ALK: variants seen among roughly 807,000 people sequenced by gnomAD.
ALK encodes the protein ALK receptor tyrosine kinase.
Under a neutral mutation model 163.1 loss-of-function variants are expected in ALK, and 74 were observed. The observed-to-expected ratio is 0.45, with a 90% CI of 0.38 to 0.55. The LOEUF is 0.55. ALK is among the 20% of genes least tolerant of loss of function. ALK has a pLI of 0.00. For missense variants in ALK, 2,063 were observed against 2,105.3 expected, an observed-to-expected ratio of 0.98 and a Z score of 0.39; for synonymous variants, 960 against 843.2, an observed-to-expected ratio of 1.14 and a Z score of -2.40.
At chr2:29,345,129 C>A (rs915652503) in intron 5 of ALK, among the ~76,000 whole-genome samples, 2 of 152,138 alleles carry the variant, frequency 1.3e-5, no homozygotes, top group African/African-American at 4.8e-5. Context: ...CGCAGTGGCT[C>A]ACATCTGTAA....
rs1666809912 is a variant in ALK, at chr2:29,879,797, C to T, written c.667+40196G>A. Among the ~76,000 whole-genome samples the T allele has an allele frequency of 3.3e-5, 5 of 152,220 alleles. No individual in the cohort carries two copies. The South Asian group carries it at 1.0e-3, about 31-fold the overall frequency. ...AGAATGCTTTTCTTTTAGGGAAAAA[C>T]TTCTCTTCCCTTTGGTAAGAAGCAG... On this transcript the variant is annotated intron_variant, in intron 1 of 28. Coordinates refer to ENST00000389048, the MANE Select transcript of ALK (RefSeq NM_004304.5).
chr2:29,254,645 A>G (rs947958005), intron 11 of ALK, among the ~76,000 whole-genome samples: 3 of 152,202 alleles, frequency 2.0e-5, no homozygotes, highest in African/African-American at 7.2e-5. Flanking sequence ...TAAAATGTGA[A>G]CAATTGGAGA....
At chr2:29,825,002 C>G (rs989219645) in intron 1 of ALK, among the ~76,000 whole-genome samples, 1 of 152,152 alleles carries the variant, frequency 6.6e-6, no homozygotes, top group Non-Finnish European at 1.5e-5. Context: ...ATCATGGGAG[C>G]AAGTCTTTCC....
At chr2:29,225,893 C>A (rs1406924222) in intron 18 of ALK, among the ~76,000 whole-genome samples, 1 of 152,052 alleles carries the variant, frequency 6.6e-6, no homozygotes, top group Non-Finnish European at 1.5e-5. Flanking sequence ...GATGTGGGGG[C>A]CGCAGGTGAC....
intron 8 of ALK, among the ~76,000 whole-genome samples, chr2:29,311,433 G>T (rs534714970): frequency 6.6e-6 from 1 of 152,196 alleles, no homozygotes; most frequent in Non-Finnish European, 1.5e-5. Context: ...GGCAAACAGG[G>T]TGTAGCTTCC....
intron 4 of ALK, among the ~76,000 whole-genome samples, chr2:29,452,803 T>C (rs1005879212): frequency 6.6e-6 from 1 of 152,166 alleles, no homozygotes; most frequent in Admixed American, 6.5e-5. Flanking sequence ...CTGAGAAGGA[T>C]CCATCACTTC....
At chr2:29,742,329 T>C (rs991328166) in intron 1 of ALK, among the ~76,000 whole-genome samples, 1 of 152,214 alleles carries the variant, frequency 6.6e-6, no homozygotes, top group Non-Finnish European at 1.5e-5. Flanking sequence ...AGCCCTCTTC[T>C]GAACACCCTT....
At chr2:29,392,643 G>T (rs1669202518) in intron 4 of ALK, among the ~76,000 whole-genome samples, 1 of 152,198 alleles carries the variant, frequency 6.6e-6, no homozygotes, top group African/African-American at 2.4e-5. Context: ...CAGGCCAGAA[G>T]GTAGGAGACG....
intron 1 of ALK, among the ~76,000 whole-genome samples, chr2:29,733,637 A>G (rs1275489040): frequency 2.0e-5 from 3 of 152,270 alleles, no homozygotes; most frequent in Middle Eastern, 3.2e-3. Context: ...GTAAGTGTTC[A>G]GTCAATGTGA....
intron 5 of ALK, among the ~76,000 whole-genome samples, chr2:29,348,525 A>C (rs2148277209): frequency 6.6e-6 from 1 of 152,300 alleles, no homozygotes; most frequent in African/African-American, 2.4e-5. Flanking sequence ...GCTTAGAAAT[A>C]CCAATTCACA....
intron 4 of ALK, among the ~76,000 whole-genome samples, chr2:29,446,098 CAAAAAAAAAAAAAA>C (rs60360983): frequency 5.8e-5 from 1 of 17,214 alleles, no homozygotes; most frequent in African/African-American, 1.8e-4. Flanking sequence ...GACTCCGTCT[CAAAAAAAAAAAAAA>C]AAAAAAAAAA....
At chr2:29,363,048 C>G (rs551709702) in intron 5 of ALK, among the ~76,000 whole-genome samples, 2 of 152,332 alleles carry the variant, frequency 1.3e-5, no homozygotes, top group Admixed American at 1.3e-4. Flanking sequence ...ACTTGCCTGG[C>G]TGCTTTTCCC....
At chr2:29,880,645 G>A (rs952362955) in intron 1 of ALK, among the ~76,000 whole-genome samples, 3 of 152,240 alleles carry the variant, frequency 2.0e-5, no homozygotes, top group Non-Finnish European at 2.9e-5. Flanking sequence ...ACACGCCTCG[G>A]AGGAAAGGGG....
chr2:29,856,532 C>T (rs916035026), intron 1 of ALK, among the ~76,000 whole-genome samples: 2 of 152,158 alleles, frequency 1.3e-5, no homozygotes, highest in East Asian at 3.8e-4. Context: ...GTAATTTGCT[C>T]GAGGTTGTGC....
At chr2:29,588,686 T>C (rs1573480163) in intron 3 of ALK, among the ~76,000 whole-genome samples, 1 of 152,200 alleles carries the variant, frequency 6.6e-6, no homozygotes, top group African/African-American at 2.4e-5. Flanking sequence ...TGCAACTACT[T>C]AACTTTGCCA....
intron 3 of ALK, among the ~76,000 whole-genome samples, chr2:29,661,610 C>A (rs1677348976): frequency 6.6e-6 from 1 of 152,154 alleles, no homozygotes; most frequent in Admixed American, 6.5e-5. Flanking sequence ...TCATAAAAAT[C>A]CTATAAGGTA....
In ALK at chr2:29,642,856, T is replaced by C. The variant is rs533961169; in HGVS notation, c.952+51994A>G. 2.0e-5 allele frequency among the ~76,000 whole-genome samples: 3 copies of C among 152,352 alleles called. No homozygotes were observed. In the South Asian group the frequency reaches 6.2e-4, roughly 32 times the overall value. On this transcript the variant is annotated intron_variant, in intron 3 of 28. Coordinates refer to ENST00000389048, the MANE Select transcript of ALK (RefSeq NM_004304.5). Reference sequence around the variant, plus strand: ...TTTAAACTCAGTTTGCCTACTGTCTTCAGGAATTGTTTCAGTAACTATCAT... The same window carrying C: ...TTTAAACTCAGTTTGCCTACTGTCTCCAGGAATTGTTTCAGTAACTATCAT...
intron 1 of ALK, among the ~76,000 whole-genome samples, chr2:29,848,928 G>A (rs952539896): frequency 6.6e-5 from 10 of 152,162 alleles, no homozygotes; most frequent in Admixed American, 3.9e-4. Context: ...GCAGCTCTAC[G>A]TGGACTGATT....
intron 4 of ALK, among the ~76,000 whole-genome samples, chr2:29,485,041 T>C (rs1322259822): frequency 2.0e-4 from 30 of 152,226 alleles, no homozygotes; most frequent in Non-Finnish European, 7.3e-5. Flanking sequence ...GCTGCCTAGT[T>C]GGAGTGAACC....
Sources: gnomAD v4.1 joint callset for allele counts (sites outside exome capture counted in the v4.1 genomes callset) on GRCh38, gnomAD v4.1.1 for gene constraint, MANE v1.5 for transcripts, NCBI Gene and HGNC (gene_info 2026-07-23, HGNC 2026-07-21) for gene names.